Variants in TMEM132B observed in about 807,000 individuals in gnomAD.
TMEM132B encodes the protein transmembrane protein 132B.
Under a neutral mutation model 90.8 loss-of-function variants are expected in TMEM132B, and 18 were observed. The ratio of observed to expected loss-of-function variants is 0.20; its 90% CI spans 0.14 to 0.29. The LOEUF (loss-of-function observed/expected upper bound fraction) is 0.29. TMEM132B is among the 10% of genes least tolerant of loss of function. The pLI is 1.00. For synonymous variants in TMEM132B, 504 were observed against 523.3 expected, an observed-to-expected ratio of 0.96 and a Z score of 0.50; for missense variants, 1,096 against 1,326.8, an observed-to-expected ratio of 0.83 and a Z score of 2.70.
chr12:125,266,292 G>T (rs1394729608), intron 1 of TMEM132B, among the ~76,000 whole-genome samples: 1 of 152,144 alleles, frequency 6.6e-6, no homozygotes, highest in African/African-American at 2.4e-5. Flanking sequence ...AGACTAAACG[G>T]CCAGTACAAC....
At chr12:125,239,145 T>C (rs1874007509) in intron 1 of TMEM132B, among the ~76,000 whole-genome samples, 1 of 150,858 alleles carries the variant, frequency 6.6e-6, no homozygotes, top group Non-Finnish European at 1.5e-5. Context: ...AGTTTTGGGG[T>C]GGGGAAAGAG....
At chr12:125,362,162 G>A (rs1361340809) in intron 2 of TMEM132B, among the ~76,000 whole-genome samples, 3 of 152,164 alleles carry the variant, frequency 2.0e-5, no homozygotes, top group African/African-American at 7.2e-5. Flanking sequence ...AGTGGCTGGG[G>A]CATGACCTTG....
intron 5 of TMEM132B, among the ~76,000 whole-genome samples, chr12:125,625,590 T>G (rs890986467): frequency 3.9e-5 from 6 of 152,366 alleles, no homozygotes; most frequent in Non-Finnish European, 8.8e-5. Flanking sequence ...CTGTTTCTAA[T>G]TTTTGACACT....
intron 1 of TMEM132B, among the ~76,000 whole-genome samples, chr12:125,218,907 A>AT (rs1463123475): frequency 6.6e-6 from 1 of 151,890 alleles, no homozygotes; most frequent in Non-Finnish European, 1.5e-5. Context: ...CACTTAATGG[A>AT]TACAGGGTCT....
At chr12:125,291,684 G>T (rs1875544895) in intron 1 of TMEM132B, among the ~76,000 whole-genome samples, 1 of 152,166 alleles carries the variant, frequency 6.6e-6, no homozygotes, top group East Asian at 1.9e-4. Context: ...CTTCATCCTT[G>T]CAAGAATCTG....
intron 5 of TMEM132B, among the ~76,000 whole-genome samples, chr12:125,642,533 T>C (rs183708357): frequency 6.6e-6 from 1 of 152,224 alleles, no homozygotes; most frequent in South Asian, 2.1e-4. Flanking sequence ...GGTAGCTCTA[T>C]CTACTACCAT....
rs537627127 is a variant in TMEM132B, at chr12:125,253,714, G to T, written c.67+66848G>T. 1.6e-3 allele frequency among the ~76,000 whole-genome samples: 249 copies of T among 152,212 alleles called. 1 individual carries two copies. Among genetic ancestry groups the T allele is most frequent in the Non-Finnish European group, 2.9e-3 (198 of 68,006 alleles). On this transcript the variant is annotated intron_variant, in intron 1 of 8. Transcript: ENST00000682704. ...CTTCCCAAATGCTGGGATTACAGGC[G>T]TGAACCACGGTGCCTGGCCCATCCC...
chr12:125,433,390 G>A (rs11058169), intron 3 of TMEM132B, among the ~76,000 whole-genome samples: 1 of 151,602 alleles, frequency 6.6e-6, no homozygotes, highest in Non-Finnish European at 1.5e-5. Flanking sequence ...AAGGACCCTC[G>A]GGTCATTCCT....
chr12:125,199,961 A>G (rs1873018148), intron 1 of TMEM132B, among the ~76,000 whole-genome samples: 1 of 152,220 alleles, frequency 6.6e-6, no homozygotes, highest in Non-Finnish European at 1.5e-5. Context: ...TTCAGTCTTT[A>G]TCTTAGGTTG....
At chr12:125,612,910 C>A (rs187135291) in intron 5 of TMEM132B, among the ~76,000 whole-genome samples, 17 of 33,460 alleles carry the variant, frequency 5.1e-4, no homozygotes, top group African/African-American at 5.3e-4. Context: ...AAATATATAT[C>A]ATATATATTT....
chr12:125,525,069 G>A (rs1883411278), intron 4 of TMEM132B, among the ~76,000 whole-genome samples: 3 of 152,150 alleles, frequency 2.0e-5, no homozygotes, highest in Admixed American at 2.0e-4. Context: ...AGGGCTGCAG[G>A]TGGCTTGGTG....
intron 4 of TMEM132B, among the ~76,000 whole-genome samples, chr12:125,536,525 T>C (rs950723397): frequency 6.6e-6 from 1 of 152,310 alleles, no homozygotes; most frequent in East Asian, 1.9e-4. Flanking sequence ...ATCTGTAATA[T>C]GGAGTCAATG....
chr12:125,451,361 T>G (rs897213432), intron 3 of TMEM132B, among the ~76,000 whole-genome samples: 1 of 152,138 alleles, frequency 6.6e-6, no homozygotes, highest in Admixed American at 6.5e-5. Flanking sequence ...ACAAAAAGTG[T>G]ATACATACGT....
intron 1 of TMEM132B, among the ~76,000 whole-genome samples, chr12:125,236,860 A>G (rs970238189): frequency 1.4e-4 from 22 of 152,228 alleles, no homozygotes; most frequent in Non-Finnish European, 2.4e-4. Flanking sequence ...GGTCTTTCCA[A>G]AAGCAGACCC....
At chr12:125,427,810 A>G (rs1251525396) in intron 3 of TMEM132B, among the ~76,000 whole-genome samples, 5 of 152,178 alleles carry the variant, frequency 3.3e-5, no homozygotes, top group Admixed American at 2.6e-4. Context: ...TGTTATTTCT[A>G]CTGTAGGATT....
chr12:125,550,249 G>T (rs981129232), intron 4 of TMEM132B, among the ~76,000 whole-genome samples: 5 of 152,156 alleles, frequency 3.3e-5, no homozygotes, highest in Non-Finnish European at 7.3e-5. Flanking sequence ...CACTCATGAG[G>T]GCTGAACCTC....
intron 2 of TMEM132B, among the ~76,000 whole-genome samples, chr12:125,377,776 T>C (rs1279403918): frequency 2.0e-5 from 3 of 152,136 alleles, no homozygotes; most frequent in African/African-American, 7.2e-5. Context: ...AGAGAATCTC[T>C]TTCTAGAGCC....
Position 125,349,825 on chromosome 12 carries a change from CA to C in TMEM132B, c.442del (p.Thr148LeufsTer129). 1 of 1,614,236 alleles carries C rather than the reference CA, an allele frequency of 6.2e-7. No homozygotes were observed. Among genetic ancestry groups the C allele is most frequent in the Non-Finnish European group, 8.5e-7 (1 of 1,180,044 alleles). ...RPKVQTLFYVTGMGWDDSDLT... is the reference protein window; with the variant it reads ...RPKVQTLFYVXGMGWDDSDLT... ...CCAAAGTGCAGACCTTGTTTTATGT[CA>C]CTGGCATGGGCTGGGATGACAGTGA... On this transcript the variant is annotated frameshift_variant, in exon 2 of 9. Transcript: ENST00000682704. LOFTEE classifies it high-confidence loss of function. This position sits in a 1 kb window ranked among gnomAD's most constrained non-coding sequence, Gnocchi z 4.1.
chr12:125,235,966 A>G (rs932010530), intron 1 of TMEM132B, among the ~76,000 whole-genome samples: 3 of 150,028 alleles, frequency 2.0e-5, no homozygotes, highest in Middle Eastern at 7.3e-3. Context: ...ACCATGCCCG[A>G]TTAATGTTGT....
Sources: gnomAD v4.1 joint callset for allele counts (sites outside exome capture counted in the v4.1 genomes callset) on GRCh38, gnomAD v4.1.1 for gene constraint, Gnocchi (gnomAD v3.1) non-coding constraint, MANE v1.5 for transcripts, NCBI Gene and HGNC (gene_info 2026-07-23, HGNC 2026-07-21) for gene names.